CLDN10: variants seen among roughly 807,000 people sequenced by gnomAD.
The protein encoded by CLDN10 is claudin-10.
A neutral mutation model predicts 22.9 loss-of-function variants in CLDN10; 15 were observed. The ratio of observed to expected loss-of-function variants is 0.65; its 90% CI spans 0.44 to 1.01. CLDN10 has a LOEUF of 1.01. CLDN10 is among the 50% of genes least tolerant of loss of function. The pLI, the probability that CLDN10 is intolerant of heterozygous loss-of-function variation, is 0.00. For synonymous variants in CLDN10, 114 were observed against 111.4 expected, an observed-to-expected ratio of 1.02 and a Z score of -0.15; for missense variants, 247 against 287.8, an observed-to-expected ratio of 0.86 and a Z score of 1.03.
intron 1 of CLDN10, among the ~76,000 whole-genome samples, chr13:95,437,281 T>G (rs1271954981): frequency 3.3e-5 from 5 of 152,226 alleles, no homozygotes; most frequent in African/African-American, 1.2e-4. Flanking sequence ...TTCTGTGAAA[T>G]AAACCGTAGG....
intron 1 of CLDN10, among the ~76,000 whole-genome samples, chr13:95,439,342 G>A (rs1453419188): frequency 7.6e-6 from 1 of 132,022 alleles, no homozygotes; most frequent in Non-Finnish European, 1.7e-5. Context: ...TCTTTTTTAT[G>A]TTATTATTAT....
intron 1 of CLDN10, among the ~76,000 whole-genome samples, chr13:95,477,476 C>A (rs1384521202): frequency 6.6e-6 from 1 of 152,150 alleles, no homozygotes; most frequent in African/African-American, 2.4e-5. Flanking sequence ...CGGAGGACTC[C>A]TTCCAGGGGG....
chr13:95,474,034 A>G (rs894821429), intron 1 of CLDN10, among the ~76,000 whole-genome samples: 1 of 152,210 alleles, frequency 6.6e-6, no homozygotes, highest in Non-Finnish European at 1.5e-5. Context: ...GGATGATTCA[A>G]ATGCATTATA....
At chr13:95,528,862 G>C (rs900961836) in intron 1 of CLDN10, among the ~76,000 whole-genome samples, 1 of 152,210 alleles carries the variant, frequency 6.6e-6, no homozygotes, top group African/African-American at 2.4e-5. Context: ...CCAAGTTAAA[G>C]AGAGAAGTTA....
At chr13:95,442,951 T>C (rs1045901988) in intron 1 of CLDN10, among the ~76,000 whole-genome samples, 4 of 152,228 alleles carry the variant, frequency 2.6e-5, no homozygotes, top group Non-Finnish European at 4.4e-5. Flanking sequence ...ATGTTATTCA[T>C]TGATGACTTT....
chr13:95,513,472 A>T (rs765743550), intron 1 of CLDN10, among the ~76,000 whole-genome samples: 10 of 152,168 alleles, frequency 6.6e-5, no homozygotes, highest in Non-Finnish European at 8.8e-5. Flanking sequence ...ATATTGTATG[A>T]CACCCCTCTA....
intron 1 of CLDN10, among the ~76,000 whole-genome samples, chr13:95,498,156 A>T (rs1206743573): frequency 6.6e-6 from 1 of 152,156 alleles, no homozygotes; most frequent in Non-Finnish European, 1.5e-5. Context: ...GACCTGAGGA[A>T]AGCACCTCCT....
rs144660799 is a variant in CLDN10 at position 95,442,192 on chromosome 13, A to C, written c.214+8145A>C. On this transcript the variant is annotated intron_variant, in intron 1 of 4. Transcript: ENST00000376873. ...ACAAATAACACAGGCAAAGTGTCTTATGTAGTACCAGACACAAGGCTCTCC... is the reference window on the plus strand; with the variant it reads ...ACAAATAACACAGGCAAAGTGTCTTCTGTAGTACCAGACACAAGGCTCTCC... Among the ~76,000 whole-genome samples the C allele has an allele frequency of 5.9e-5, 9 of 152,300 alleles. No individual in the cohort carries two copies. In the East Asian group the frequency reaches 1.7e-3, roughly 29 times the overall value.
In CLDN10 at chr13:95,434,097, C is replaced by T. The variant is rs376553349; in HGVS notation, c.214+50C>T. On this transcript the variant is annotated intron_variant, in intron 1 of 4. Coordinates refer to the CLDN10 transcript ENST00000376873. ...GTGGAGGTAAAATGTACTTTTCCCC[C>T]CGACTGTGCTGAAGTAGCTGTCTAT... The T allele has an allele frequency of 3.3e-6, 5 of 1,519,922 alleles. No homozygotes were observed. In the African/African-American group the frequency reaches 5.5e-5, roughly 17 times the overall value. The allele number at this position is 1,519,922 out of a possible 1,614,324, so 94.2% of individuals were successfully genotyped here.
At chr13:95,504,831 C>A (rs2138546957) in intron 1 of CLDN10, among the ~76,000 whole-genome samples, 1 of 152,320 alleles carries the variant, frequency 6.6e-6, no homozygotes, top group Non-Finnish European at 1.5e-5. Flanking sequence ...AGCCATCACA[C>A]TGGCCAGCTT....
chr13:95,478,484 T>C (rs961151838), intron 1 of CLDN10, among the ~76,000 whole-genome samples: 1 of 152,130 alleles, frequency 6.6e-6, no homozygotes, highest in African/African-American at 2.4e-5. Context: ...ATACGGAAGA[T>C]ATAATGTGCT....
intron 1 of CLDN10, among the ~76,000 whole-genome samples, chr13:95,555,159 T>C (rs2043619836): frequency 6.6e-6 from 1 of 150,954 alleles, no homozygotes; most frequent in Non-Finnish European, 1.5e-5. Flanking sequence ...CAAGTGATTC[T>C]CCTGTCTCAG....
At chr13:95,559,171 G>A (rs2043674245) in intron 1 of CLDN10, among the ~76,000 whole-genome samples, 1 of 152,166 alleles carries the variant, frequency 6.6e-6, no homozygotes, top group Non-Finnish European at 1.5e-5. Context: ...CCCGGTATGT[G>A]CTACTATCAC....
At position 95,453,740 on chromosome 13, in the gene CLDN10, A is replaced by G. The variant is rs370117726; in HGVS notation, c.214+19693A>G. ...ACAGAGATTAAAAACTACGTGTTTT[A>G]TGCTAACACTGCTTCTAGGAAAGGT... On this transcript the variant is annotated intron_variant, in intron 1 of 4. Transcript: ENST00000376873. 5.9e-5 allele frequency among the ~76,000 whole-genome samples: 9 copies of G among 151,976 alleles called. No individual in the cohort carries two copies. In the South Asian group the frequency reaches 6.2e-4, roughly 11 times the overall value.
intron 1 of CLDN10, among the ~76,000 whole-genome samples, chr13:95,458,232 T>C (rs1173971609): frequency 6.6e-6 from 1 of 152,232 alleles, no homozygotes; most frequent in Non-Finnish European, 1.5e-5. Flanking sequence ...GCAAGTCATA[T>C]GGCCAAACAC....
At chr13:95,547,057 T>TTC (rs1284306612) in intron 1 of CLDN10, among the ~76,000 whole-genome samples, 1 of 151,008 alleles carries the variant, frequency 6.6e-6, no homozygotes, top group East Asian at 1.9e-4. Flanking sequence ...TTTTTTTTTT[T>TTC]TTTTTTTTAA....
chr13:95,457,292 T>C (rs1223511015), intron 1 of CLDN10, among the ~76,000 whole-genome samples: 1 of 152,236 alleles, frequency 6.6e-6, no homozygotes, highest in Non-Finnish European at 1.5e-5. Flanking sequence ...TTAAATTATG[T>C]TCTTACCATT....
intron 1 of CLDN10, among the ~76,000 whole-genome samples, chr13:95,441,097 G>A (rs1194530628): frequency 6.6e-6 from 1 of 152,214 alleles, no homozygotes; most frequent in Non-Finnish European, 1.5e-5. Flanking sequence ...ACGAAGTTGT[G>A]TGGATTGAAT....
chr13:95,435,935 C>A (rs774289215), intron 1 of CLDN10, among the ~76,000 whole-genome samples: 1 of 151,158 alleles, frequency 6.6e-6, no homozygotes, highest in African/African-American at 2.4e-5. Context: ...AGATTATAGG[C>A]CTGAGCCACC....
Sources: allele counts gnomAD v4.1 joint callset (sites outside exome capture counted in the v4.1 genomes callset), GRCh38; gene constraint gnomAD v4.1.1; transcripts MANE v1.5; gene names NCBI Gene and HGNC (gene_info 2026-07-23, HGNC 2026-07-21).